The following CADPS variants were observed in gnomAD, a reference collection of about 807,000 sequenced individuals.
The protein encoded by CADPS is calcium dependent secretion activator.
A neutral mutation model predicts 167.3 loss-of-function variants in CADPS; 57 were observed. The ratio of observed to expected loss-of-function variants is 0.34; its 90% CI spans 0.28 to 0.42. The LOEUF (loss-of-function observed/expected upper bound fraction) is 0.42. Among genes scored for constraint, CADPS ranks in the 20% least tolerant of loss-of-function variants. The pLI, the probability that CADPS is intolerant of heterozygous loss-of-function variation, is 1.00. For synonymous variants in CADPS, 676 were observed against 635.3 expected, an observed-to-expected ratio of 1.06 and a Z score of -0.96; for missense variants, 1,414 against 1,738.1, an observed-to-expected ratio of 0.81 and a Z score of 3.32.
intron 10 of CADPS, among the ~76,000 whole-genome samples, chr3:62,556,144 ACTGGTTTCCT>A (rs1195352915): frequency 1.3e-5 from 2 of 152,216 alleles, no homozygotes; most frequent in Non-Finnish European, 2.9e-5. Flanking sequence ...TGTCCTAAGG[ACTGGTTTCCT>A]AAGGCAGGAG....
intron 1 of CADPS, among the ~76,000 whole-genome samples, chr3:62,845,402 T>C (rs969902084): frequency 2.0e-5 from 3 of 152,190 alleles, no homozygotes; most frequent in African/African-American, 7.2e-5. Context: ...TTTAACTCTG[T>C]GTCTCAGTTC....
Position 62,478,464 on chromosome 3 carries a change from C to A in CADPS, c.3174-48G>T, listed in dbSNP as rs776659525. ...ATGAGAGTCACCCACTGGCCTCAGG[C>A]TCTACAAAAACTAACACAGAGACAA... On this transcript the variant is annotated intron_variant, in intron 22 of 29. Transcript: ENST00000383710. This position sits in a 1 kb window ranked among gnomAD's most constrained non-coding sequence, Gnocchi z 5.7. 10 of 1,565,276 alleles carry A rather than the reference C, an allele frequency of 6.4e-6. No individual in the cohort carries two copies. The highest frequency in any genetic ancestry group is 8.7e-6 in the Non-Finnish European group (10 of 1,150,290).
intron 28 of CADPS, among the ~76,000 whole-genome samples, chr3:62,437,401 T>C (rs1881267): frequency 0.29 from 43,628 of 149,590 alleles, 6,696 homozygotes; most frequent in Middle Eastern, 0.4. Context: ...AGATGCAGTC[T>C]CAGTGGAAAT....
At chr3:62,510,737 C>G (rs2067623932) in intron 17 of CADPS, among the ~76,000 whole-genome samples, 5 of 152,102 alleles carry the variant, frequency 3.3e-5, no homozygotes, top group Admixed American at 3.3e-4. Flanking sequence ...CAATTTGCAC[C>G]TGTAACTCCG....
chr3:62,409,782 A>G (rs997549951), intron 28 of CADPS, among the ~76,000 whole-genome samples: 3 of 152,208 alleles, frequency 2.0e-5, no homozygotes, highest in Non-Finnish European at 4.4e-5. Context: ...AAAATTACAT[A>G]TCATAGGCTT....
At chr3:62,795,251 C>A (rs2093321594) in intron 1 of CADPS, among the ~76,000 whole-genome samples, 1 of 150,594 alleles carries the variant, frequency 6.6e-6, no homozygotes, top group African/African-American at 2.5e-5. Flanking sequence ...TTTGAAATCA[C>A]CATCTCTAAG....
At chr3:62,515,238 G>A (rs934410420) in intron 16 of CADPS, among the ~76,000 whole-genome samples, 2 of 151,976 alleles carry the variant, frequency 1.3e-5, no homozygotes, top group African/African-American at 2.4e-5. Context: ...TCCAGAATGC[G>A]GACACATCGA....
chr3:62,640,614 TG>T lies in CADPS; in HGVS notation c.1325+5107del, dbSNP rs1381551606. On this transcript the variant is annotated intron_variant, in intron 6 of 29. Transcript: ENST00000383710. ...AAAATACCAATTTTCCAAGTTTGGT[TG>T]TGCTTTCTAATCCCTGGCAATAATG... Among the ~76,000 whole-genome samples, 9 of 152,326 alleles carry T rather than the reference TG, an allele frequency of 5.9e-5. No individual in the cohort carries two copies. In the South Asian group the frequency reaches 1.7e-3, roughly 28 times the overall value.
Position 62,458,582 on chromosome 3 carries a change from G to A in CADPS, c.3636+6785C>T, listed in dbSNP as rs867701912. Among the ~76,000 whole-genome samples the A allele has an allele frequency of 1.3e-5, 2 of 152,052 alleles. No individual in the cohort carries two copies. Among genetic ancestry groups the A allele is most frequent in the Non-Finnish European group, 2.9e-5 (2 of 68,016 alleles). ...CAGCTCACTACAACCTCCGCCTCCC[G>A]AGTTCAAGCAATTCTCCTGGCTCAG... On this transcript the variant is annotated intron_variant, in intron 26 of 29. Coordinates refer to ENST00000383710, the MANE Select transcript of CADPS (RefSeq NM_003716.4). The surrounding 1 kb of genome is among the most constrained non-coding windows in gnomAD (Gnocchi z 4.6).
At chr3:62,714,877 A>G (rs1257352111) in intron 3 of CADPS, among the ~76,000 whole-genome samples, 2 of 152,196 alleles carry the variant, frequency 1.3e-5, no homozygotes. Context: ...ATAGTACCCA[A>G]TTCACTATGT....
At chr3:62,529,971 C>G (rs879380260) in intron 13 of CADPS, among the ~76,000 whole-genome samples, 2 of 151,990 alleles carry the variant, frequency 1.3e-5, no homozygotes, top group Non-Finnish European at 2.9e-5. Context: ...ATTAGTAAAC[C>G]TAATTTAAAA....
Position 62,491,375 on chromosome 3 carries a change from T to C in CADPS, c.2990A>G (p.His997Arg). Residue 997 changes from histidine to arginine, a missense_variant, in exon 21 of 30, where the codon CAC (histidine) becomes CGC (arginine). Physicochemically the swap from His to Arg is conservative, Grantham distance 29. Coordinates refer to ENST00000383710, the MANE Select transcript of CADPS (RefSeq NM_003716.4). The stretch of plus-strand genomic sequence containing the variant: ...CCATGACTCCCGCTCAAAGCCCCTG[T>C]GAATGGATTGTGCAATTGAGGACTC... ...LMESSIAQSI[H>R]RGFERESWEP... 6.2e-7 allele frequency: 1 copy of C among 1,614,152 alleles called. No individual in the cohort carries two copies. The highest frequency in any genetic ancestry group is 8.5e-7 in the Non-Finnish European group (1 of 1,180,006).
intron 1 of CADPS, among the ~76,000 whole-genome samples, chr3:62,786,970 A>G (rs1293593686): frequency 1.3e-5 from 2 of 152,120 alleles, no homozygotes; most frequent in Non-Finnish European, 2.9e-5. Context: ...TTTCTGAGGC[A>G]TCTTTTTCAG....
chr3:62,466,369 A>G lies in CADPS; in HGVS notation c.3522T>C (p.Val1174=). 6.2e-7 allele frequency: 1 copy of G among 1,612,206 alleles called. No homozygotes were observed. The highest frequency in any genetic ancestry group is 8.5e-7 in the Non-Finnish European group (1 of 1,178,386). Residue 1174 remains valine (V), a synonymous_variant, in exon 25 of 30, where the codon GTT becomes GTC. Transcript: ENST00000383710. ...CAACCAAGAGTGTTATCATTTCTTT[A>G]ACAGTTTCTTCAATTAGTTCGTCTA... ...SKIDELIEET[V]KEMITLLVAK...
chr3:62,775,513 T>G (rs555098908), intron 1 of CADPS, among the ~76,000 whole-genome samples: 37 of 152,350 alleles, frequency 2.4e-4, no homozygotes, highest in Middle Eastern at 3.4e-3. Context: ...CTTTAGGTAT[T>G]AAGAAACTGT....
intron 3 of CADPS, among the ~76,000 whole-genome samples, chr3:62,709,754 TTTTTA>T (rs201286938): frequency 1.2e-4 from 17 of 147,600 alleles, no homozygotes; most frequent in Admixed American, 8.7e-4. Flanking sequence ...CTGGGTTTTA[TTTTTA>T]TTTTATTTAT....
chr3:62,641,180 A>G lies in CADPS; in HGVS notation c.1325+4542T>C, dbSNP rs9829909. 7.3e-3 allele frequency among the ~76,000 whole-genome samples: 1,117 copies of G among 152,320 alleles called. 16 individuals are homozygous for G. The highest frequency in any genetic ancestry group is 0.022 in the African/African-American group (914 of 41,584). ...CACCACCAGCCATGAATGGAAGGTA[A>G]GCGTAATGGGATCTAAACAAGGCTA... On this transcript the variant is annotated intron_variant, in intron 6 of 29. Transcript: ENST00000383710.
intron 3 of CADPS, among the ~76,000 whole-genome samples, chr3:62,665,393 C>T (rs572564966): frequency 1.3e-5 from 2 of 152,266 alleles, no homozygotes; most frequent in East Asian, 1.9e-4. Context: ...CCCCATTTGA[C>T]GGATGTGGAA....
intron 6 of CADPS, among the ~76,000 whole-genome samples, chr3:62,643,534 T>C (rs903379416): frequency 2.6e-5 from 4 of 152,230 alleles, no homozygotes; most frequent in African/African-American, 9.6e-5. Flanking sequence ...CATGAATATT[T>C]CATGCAGGTA....
Sources: allele counts gnomAD v4.1 joint callset (sites outside exome capture counted in the v4.1 genomes callset), GRCh38; gene constraint gnomAD v4.1.1; non-coding constraint Gnocchi (gnomAD v3.1); transcripts MANE v1.5; gene names NCBI Gene and HGNC (gene_info 2026-07-23, HGNC 2026-07-21).